The following ESRRG variants were observed in gnomAD, a reference collection of about 807,000 sequenced individuals.
ESRRG encodes the protein estrogen related receptor gamma.
Under a neutral mutation model 44.0 loss-of-function variants are expected in ESRRG, and 13 were observed. That is an observed-to-expected ratio of 0.30 (90% CI 0.19 to 0.47). The LOEUF is 0.47. Among genes scored for constraint, ESRRG ranks in the 20% least tolerant of loss-of-function variants. ESRRG has a pLI of 1.00. For synonymous variants in ESRRG, 215 were observed against 214.6 expected (o/e 1.00, Z -0.02); for missense variants, 395 against 580.6 (o/e 0.68, Z 3.29).
intron 6 of ESRRG, among the ~76,000 whole-genome samples, chr1:216,509,696 A>C (rs2042164631): frequency 6.6e-6 from 1 of 152,248 alleles, no homozygotes; most frequent in Admixed American, 6.5e-5. Context: ...TGATTTAATC[A>C]AATTACTATG....
At chr1:216,835,488 C>T (rs374093680) in intron 2 of ESRRG, among the ~76,000 whole-genome samples, 1 of 152,200 alleles carries the variant, frequency 6.6e-6, no homozygotes, top group South Asian at 2.1e-4. Flanking sequence ...CAGGCGCACA[C>T]TCCCAAGTTA....
At chr1:216,929,891 A>G (rs1332360205) in intron 2 of ESRRG, among the ~76,000 whole-genome samples, 3 of 152,126 alleles carry the variant, frequency 2.0e-5, no homozygotes, top group African/African-American at 7.2e-5. Context: ...CAGTCCTGCC[A>G]TCAACCTCCC....
intron 2 of ESRRG, among the ~76,000 whole-genome samples, chr1:216,881,070 A>G (rs2096439372): frequency 6.6e-6 from 1 of 152,202 alleles, no homozygotes; most frequent in South Asian, 2.1e-4. Flanking sequence ...TAAACTGGCA[A>G]AGTTTAAATG....
intron 2 of ESRRG, among the ~76,000 whole-genome samples, chr1:216,802,410 C>T (rs1256667217): frequency 1.3e-5 from 2 of 151,938 alleles, no homozygotes; most frequent in African/African-American, 4.8e-5. Context: ...TCTGATATTG[C>T]CAAAAGCTAG....
intron 1 of ESRRG, among the ~76,000 whole-genome samples, chr1:217,023,316 A>G (rs2080656196): frequency 6.6e-6 from 1 of 152,198 alleles, no homozygotes; most frequent in Admixed American, 6.5e-5. Context: ...GGAAAGCAGA[A>G]TACCAGACAC....
intron 5 of ESRRG, among the ~76,000 whole-genome samples, chr1:216,532,986 G>A (rs979815850): frequency 6.6e-6 from 1 of 152,144 alleles, no homozygotes; most frequent in Non-Finnish European, 1.5e-5. Context: ...GTACATGGAT[G>A]AAAGCTCGGG....
intron 1 of ESRRG, among the ~76,000 whole-genome samples, chr1:217,032,839 T>C (rs887732248): frequency 6.6e-6 from 1 of 152,222 alleles, no homozygotes; most frequent in African/African-American, 2.4e-5. Context: ...ACACTCTCTA[T>C]GTTTCATCAG....
At chr1:217,130,971 G>A (rs138779427) in intron 1 of ESRRG, among the ~76,000 whole-genome samples, 7 of 151,918 alleles carry the variant, frequency 4.6e-5, no homozygotes, top group East Asian at 1.9e-4. Flanking sequence ...ATATTGCCAC[G>A]AATTTAATTT....
intron 2 of ESRRG, among the ~76,000 whole-genome samples, chr1:216,804,580 G>T (rs2094726970): frequency 6.6e-6 from 1 of 151,956 alleles, no homozygotes; most frequent in Admixed American, 6.6e-5. Flanking sequence ...TTAAAAGGCT[G>T]TTGAAGATTT....
intron 2 of ESRRG, among the ~76,000 whole-genome samples, chr1:216,825,827 C>T (rs556647851): frequency 6.6e-6 from 1 of 152,220 alleles, no homozygotes; most frequent in African/African-American, 2.4e-5. Flanking sequence ...GAATCTTCAG[C>T]CCAGCACTAC....
intron 1 of ESRRG, among the ~76,000 whole-genome samples, chr1:217,008,088 TACA>T (rs2078013541): frequency 6.6e-6 from 1 of 152,166 alleles, no homozygotes; most frequent in Non-Finnish European, 1.5e-5. Context: ...AACCAACAGC[TACA>T]ACAACAGAAA....
chr1:216,615,002 C>T (rs1005080298), intron 3 of ESRRG, among the ~76,000 whole-genome samples: 2 of 152,104 alleles, frequency 1.3e-5, no homozygotes, highest in Non-Finnish European at 2.9e-5. Flanking sequence ...TTATTCTAGG[C>T]GGCTTGGTCA....
At chr1:216,569,502 G>A (rs2060398256) in intron 3 of ESRRG, among the ~76,000 whole-genome samples, 1 of 152,146 alleles carries the variant, frequency 6.6e-6, no homozygotes, top group South Asian at 2.1e-4. Flanking sequence ...CCAAGGGAAT[G>A]AATGGGATTA....
intron 1 of ESRRG, among the ~76,000 whole-genome samples, chr1:217,051,355 G>A (rs192341609): frequency 4.6e-5 from 7 of 152,076 alleles, no homozygotes; most frequent in Non-Finnish European, 7.4e-5. Context: ...ATCAGTTAAC[G>A]CTTACAATGA....
chr1:216,509,289 A>C (rs1282918523), intron 6 of ESRRG, among the ~76,000 whole-genome samples: 5 of 152,226 alleles, frequency 3.3e-5, no homozygotes, highest in Non-Finnish European at 5.9e-5. Flanking sequence ...CTTCTTTACA[A>C]CATTCTTAAT....
chr1:217,085,107 A>ACCCATTACAACAT (rs371620583), intron 1 of ESRRG, among the ~76,000 whole-genome samples: 1 of 151,908 alleles, frequency 6.6e-6, no homozygotes, highest in Non-Finnish European at 1.5e-5. Context: ...TTGTGAATCA[A>ACCCATTACAACAT]GGATGAGTAA....
At chr1:216,717,869 C>T (rs1443340064) in intron 1 of ESRRG, among the ~76,000 whole-genome samples, 2 of 151,740 alleles carry the variant, frequency 1.3e-5, no homozygotes, top group South Asian at 2.1e-4. Context: ...AGCTATCATG[C>T]TTTACATTAA....
Position 216,972,784 on chromosome 1 carries a change from G to A in ESRRG, c.-105-33111C>T, listed in dbSNP as rs78394660. On this transcript the variant is annotated intron_variant, in intron 1 of 7. Coordinates refer to the ESRRG transcript ENST00000359162. ...AGATGAACTAGTATGTACTACATAA[G>A]TGCAACAAGAACAAAGTAAATAAAA... Among the ~76,000 whole-genome samples, 940 of 152,236 alleles carry A rather than the reference G, an allele frequency of 6.2e-3. 7 individuals carry two copies. The highest frequency in any genetic ancestry group is 0.021 in the African/African-American group (866 of 41,540).
chr1:216,966,378 T>G (rs2150234179), intron 1 of ESRRG, among the ~76,000 whole-genome samples: 1 of 152,320 alleles, frequency 6.6e-6, no homozygotes, highest in African/African-American at 2.4e-5. Flanking sequence ...AGGAGCAAAG[T>G]AAGGATTTGT....
Sources: allele counts gnomAD v4.1 joint callset (sites outside exome capture counted in the v4.1 genomes callset), GRCh38; gene constraint gnomAD v4.1.1; transcripts MANE v1.5; gene names NCBI Gene and HGNC (gene_info 2026-07-23, HGNC 2026-07-21).